KCNH1: variants seen among roughly 807,000 people sequenced by gnomAD.
KCNH1 encodes potassium voltage-gated channel subfamily H member 1.
In KCNH1, 27 loss-of-function variants were observed where a neutral mutation model predicts 69.2. The ratio of observed to expected loss-of-function variants is 0.39; its 90% CI spans 0.29 to 0.54. The LOEUF is 0.54. Ranked by LOEUF, KCNH1 falls within the 20% of genes least tolerant of loss-of-function variation. KCNH1 has a pLI of 0.68. For synonymous variants in KCNH1, 456 were observed against 487.7 expected (o/e 0.93, Z 0.86); for missense variants, 798 against 1,261.6 (o/e 0.63, Z 5.57).
chr1:210,721,647 T>C (rs1323473124), intron 10 of KCNH1, among the ~76,000 whole-genome samples: 1 of 151,950 alleles, frequency 6.6e-6, no homozygotes, highest in East Asian at 1.9e-4. Context: ...TTGAGACATA[T>C]CAGAAGCCGT....
At chr1:210,844,580 G>A (rs1172765807) in intron 7 of KCNH1, among the ~76,000 whole-genome samples, 1 of 152,200 alleles carries the variant, frequency 6.6e-6, no homozygotes, top group East Asian at 1.9e-4. Context: ...TCAAAGCAGT[G>A]TGTAGAGGGA....
At chr1:210,974,066 A>T (rs906620902) in intron 6 of KCNH1, among the ~76,000 whole-genome samples, 2 of 152,142 alleles carry the variant, frequency 1.3e-5, no homozygotes, top group Admixed American at 1.3e-4. Flanking sequence ...TTCAATGATT[A>T]CTTTCTCTCT....
chr1:211,129,411 A>G (rs141565042), intron 1 of KCNH1, among the ~76,000 whole-genome samples: 92 of 152,332 alleles, frequency 6.0e-4, no homozygotes, highest in Non-Finnish European at 4.1e-4. Context: ...AAACACATCT[A>G]TTCTTTTAAG....
chr1:210,887,870 T>C lies in KCNH1; in HGVS notation c.1462+31770A>G, dbSNP rs542765658. Among the ~76,000 whole-genome samples the C allele has an allele frequency of 2.6e-5, 4 of 151,830 alleles. No homozygotes were observed. In the East Asian group the frequency reaches 7.8e-4, roughly 30 times the overall value. On this transcript the variant is annotated intron_variant, in intron 7 of 10. Transcript: ENST00000271751. ...AACAAGGAGAGCTAACTATCCTAAA[T>C]ATATATATGCACTCAACACAGGAGC... is the stretch of plus-strand genomic sequence containing the variant.
chr1:210,996,324 C>A (rs186850171), intron 6 of KCNH1, among the ~76,000 whole-genome samples: 1 of 152,192 alleles, frequency 6.6e-6, no homozygotes, highest in African/African-American at 2.4e-5. Context: ...AAACGGCACA[C>A]CAGGAGATTA....
chr1:210,708,979 G>A (rs1054130900), intron 10 of KCNH1, among the ~76,000 whole-genome samples: 1 of 152,086 alleles, frequency 6.6e-6, no homozygotes, highest in African/African-American at 2.4e-5. Context: ...AAAACTTTGG[G>A]CTGGGTGTGG....
chr1:210,966,328 A>G (rs1003583487), intron 6 of KCNH1, among the ~76,000 whole-genome samples: 2 of 152,204 alleles, frequency 1.3e-5, no homozygotes, highest in South Asian at 2.1e-4. Context: ...GCATGGGCAA[A>G]GACTTCATGA....
chr1:210,786,363 A>T (rs1172314225), intron 9 of KCNH1, among the ~76,000 whole-genome samples: 3 of 152,158 alleles, frequency 2.0e-5, no homozygotes, highest in East Asian at 3.8e-4. Context: ...AATCCATGAC[A>T]TTGTCTATTT....
At chr1:211,109,841 C>T (rs910983618) in intron 1 of KCNH1, among the ~76,000 whole-genome samples, 5 of 151,258 alleles carry the variant, frequency 3.3e-5, no homozygotes, top group Non-Finnish European at 5.9e-5. Flanking sequence ...TAATTGGTAT[C>T]CTTAGAGAGA....
intron 7 of KCNH1, among the ~76,000 whole-genome samples, chr1:210,820,639 A>G (rs1282320777): frequency 1.3e-5 from 2 of 152,174 alleles, no homozygotes; most frequent in African/African-American, 4.8e-5. Flanking sequence ...GTCTCAAAAA[A>G]CAAAACAAAA....
intron 9 of KCNH1, among the ~76,000 whole-genome samples, chr1:210,788,868 T>G (rs1684160053): frequency 6.7e-6 from 1 of 150,282 alleles, no homozygotes; most frequent in Non-Finnish European, 1.5e-5. Flanking sequence ...GGCTAATTTT[T>G]TGTATTTTTA....
intron 5 of KCNH1, among the ~76,000 whole-genome samples, chr1:211,069,157 C>G (rs1252632907): frequency 6.6e-6 from 1 of 152,182 alleles, no homozygotes; most frequent in East Asian, 1.9e-4. Context: ...CTCCAGCCAG[C>G]TCTAGCCACC....
chr1:211,067,916 C>T (rs575224387), intron 5 of KCNH1, among the ~76,000 whole-genome samples: 69 of 152,312 alleles, frequency 4.5e-4, no homozygotes, highest in African/African-American at 1.5e-3. Context: ...TCTGTAAAAC[C>T]GCTCCAGGTT....
At chr1:210,953,265 A>G (rs1688097359) in intron 6 of KCNH1, among the ~76,000 whole-genome samples, 1 of 152,158 alleles carries the variant, frequency 6.6e-6, no homozygotes, top group Non-Finnish European at 1.5e-5. Flanking sequence ...CCAGGCACAG[A>G]CCATTTTCTG....
At chr1:210,974,067 C>G (rs1201749151) in intron 6 of KCNH1, among the ~76,000 whole-genome samples, 1 of 152,090 alleles carries the variant, frequency 6.6e-6, no homozygotes, top group Non-Finnish European at 1.5e-5. Flanking sequence ...TCAATGATTA[C>G]TTTCTCTCTC....
intron 7 of KCNH1, chr1:210,862,081 G>A: frequency 1.2e-6 from 1 of 861,326 alleles, no homozygotes; most frequent in African/African-American, 1.6e-5. Flanking sequence ...TTCTTGACCA[G>A]GCCAATACTG....
At chr1:210,788,891 T>TTTCACCG (rs1558470083) in intron 9 of KCNH1, among the ~76,000 whole-genome samples, 1 of 150,278 alleles carries the variant, frequency 6.7e-6, no homozygotes, top group Non-Finnish European at 1.5e-5. Context: ...AGAGACGGGG[T>TTTCACCG]TTCACCGTTT....
chr1:210,871,150 C>T (rs920614753), intron 7 of KCNH1, among the ~76,000 whole-genome samples: 1 of 152,166 alleles, frequency 6.6e-6, no homozygotes, highest in African/African-American at 2.4e-5. Flanking sequence ...ACAACCTATT[C>T]ATCTGACAAA....
In KCNH1 at chr1:210,709,406, C is replaced by T. The variant is rs1299250614; in HGVS notation, c.2113-25268G>A. Among the ~76,000 whole-genome samples the T allele has an allele frequency of 2.0e-5, 3 of 152,172 alleles. No individual in the cohort carries two copies. In the East Asian group the frequency reaches 5.8e-4, roughly 29 times the overall value. ...GAGGCATGGAACAGATTCTTCCTCACAAGCTTCAGAGGGAACCAACCCTAC... is the reference window on the plus strand; with the variant it reads ...GAGGCATGGAACAGATTCTTCCTCATAAGCTTCAGAGGGAACCAACCCTAC... On this transcript the variant is annotated intron_variant, in intron 10 of 10. Transcript: ENST00000271751.
Sources: gnomAD v4.1 joint callset for allele counts (sites outside exome capture counted in the v4.1 genomes callset) on GRCh38, gnomAD v4.1.1 for gene constraint, MANE v1.5 for transcripts, NCBI Gene and HGNC (gene_info 2026-07-23, HGNC 2026-07-21) for gene names.